The following RALYL variants were observed in gnomAD, a reference collection of about 807,000 sequenced individuals.
RALYL encodes the protein RALY RNA binding protein like.
RALYL carries 29 observed loss-of-function variants against 35.1 expected under a neutral mutation model. The ratio of observed to expected loss-of-function variants is 0.83; its 90% CI spans 0.61 to 1.13. RALYL has a LOEUF of 1.13. Ranked by LOEUF, RALYL falls within the 50% of genes most tolerant of loss-of-function variation. The pLI, the probability that RALYL is intolerant of heterozygous loss-of-function variation, is 0.00. For synonymous variants in RALYL, 120 were observed against 127.6 expected (o/e 0.94, Z 0.40); for missense variants, 359 against 360.4 (o/e 1.00, Z 0.03).
intron 2 of RALYL, among the ~76,000 whole-genome samples, chr8:84,613,707 A>G (rs1253437422): frequency 6.6e-6 from 1 of 151,452 alleles, no homozygotes; most frequent in East Asian, 1.9e-4. Context: ...AGGGAAAAAA[A>G]GCCTTTTGAA....
intron 2 of RALYL, among the ~76,000 whole-genome samples, chr8:84,560,663 G>A (rs141987506): frequency 7.2e-5 from 11 of 151,990 alleles, no homozygotes; most frequent in South Asian, 2.1e-4. Flanking sequence ...ATACAGATTA[G>A]GGTAAATTAT....
chr8:84,890,900 A>G (rs1843730150), intron 8 of RALYL, among the ~76,000 whole-genome samples: 1 of 152,188 alleles, frequency 6.6e-6, no homozygotes, highest in Admixed American at 6.6e-5. Context: ...ACCAACAGGG[A>G]AGGAAAGGAA....
chr8:84,533,119 A>T (rs1019718834), intron 2 of RALYL, among the ~76,000 whole-genome samples: 1 of 152,136 alleles, frequency 6.6e-6, no homozygotes, highest in African/African-American at 2.4e-5. Context: ...TCCTCATAAA[A>T]CTTTACGTCT....
At chr8:84,601,677 A>C (rs1405464387) in intron 2 of RALYL, among the ~76,000 whole-genome samples, 9 of 151,990 alleles carry the variant, frequency 5.9e-5, no homozygotes. Context: ...AGTTGTGAAC[A>C]TAGCATAGCC....
At chr8:84,714,697 T>C (rs1842697699) in intron 2 of RALYL, among the ~76,000 whole-genome samples, 1 of 151,896 alleles carries the variant, frequency 6.6e-6, no homozygotes, top group African/African-American at 2.4e-5. Context: ...CATAATTATG[T>C]GTTTTGGGAA....
At chr8:84,887,467 G>T (rs1156929225) in intron 7 of RALYL, 137 bp from the exon 8 acceptor site, 3 of 595,064 alleles carry the variant, frequency 5.0e-6, no homozygotes, top group Non-Finnish European at 8.1e-6. Context: ...TCAACTTAAA[G>T]CATAATATTA....
intron 1 of RALYL, among the ~76,000 whole-genome samples, chr8:84,478,724 T>G (rs1564004411): frequency 6.6e-6 from 1 of 151,992 alleles, no homozygotes; most frequent in Non-Finnish European, 1.5e-5. Context: ...GCTCGTGTTC[T>G]CTCTTCCTTG....
intron 1 of RALYL, among the ~76,000 whole-genome samples, chr8:84,366,951 A>G (rs916997065): frequency 7.2e-5 from 11 of 151,842 alleles, no homozygotes; most frequent in African/African-American, 2.7e-4. Flanking sequence ...AATAGCCTCT[A>G]TATGACCTAA....
chr8:84,788,797 G>A (rs1037621837), intron 3 of RALYL, among the ~76,000 whole-genome samples: 13 of 152,134 alleles, frequency 8.5e-5, no homozygotes, highest in Admixed American at 7.9e-4. Flanking sequence ...AGGGCAAGGA[G>A]CAGGATATGG....
At chr8:84,389,399 T>C (rs978664852) in intron 1 of RALYL, among the ~76,000 whole-genome samples, 2 of 152,056 alleles carry the variant, frequency 1.3e-5, no homozygotes, top group Non-Finnish European at 2.9e-5. Flanking sequence ...GGTAGCTTGA[T>C]GGATATGGCA....
chr8:84,577,921 T>A (rs1465292202), intron 2 of RALYL, among the ~76,000 whole-genome samples: 1 of 152,244 alleles, frequency 6.6e-6, no homozygotes, highest in Non-Finnish European at 1.5e-5. Context: ...AAGTATCTAA[T>A]GTGACACTGG....
chr8:84,365,838 A>G (rs57948903), intron 1 of RALYL, among the ~76,000 whole-genome samples: 7,223 of 152,260 alleles, frequency 0.047, 238 homozygotes, highest in African/African-American at 0.082. Flanking sequence ...AGAATTAGAA[A>G]TGGTTAAGAA....
At chr8:84,520,964 A>G (rs2058414014) in intron 1 of RALYL, among the ~76,000 whole-genome samples, 1 of 152,172 alleles carries the variant, frequency 6.6e-6, no homozygotes, top group Non-Finnish European at 1.5e-5. Flanking sequence ...TATGGCTCAG[A>G]GGGAGCTTAT....
rs11277780 is a variant in RALYL at position 84,223,166 on chromosome 8, C to CTCCCTTCCCT, written c.-24+38771_-24+38780dup. ...TCCTTTCCTTTCCTTTCTTTCCTTC[C>CTCCCTTCCCT]TCCCTTCCCTTCCCTTCCCTTCCCT... On this transcript the variant is annotated intron_variant, in intron 1 of 8. Transcript: ENST00000521268. Among the ~76,000 whole-genome samples the CTCCCTTCCCT allele has an allele frequency of 2.0e-4, 17 of 83,854 alleles. 1 individual carries two copies. The highest frequency in any genetic ancestry group is 8.6e-4 in the East Asian group (2 of 2,322). The allele number at this position is 83,854 out of a possible 152,430, so 55.0% of individuals were successfully genotyped here. A position where few individuals can be genotyped will look rare whatever the true frequency, so the allele number is the denominator to read the frequency against.
intron 1 of RALYL, among the ~76,000 whole-genome samples, chr8:84,334,349 T>C: frequency 6.6e-6 from 1 of 152,162 alleles, no homozygotes; most frequent in Non-Finnish European, 1.5e-5. Context: ...AACAATTTTA[T>C]CAATTATGTA....
intron 2 of RALYL, among the ~76,000 whole-genome samples, chr8:84,578,935 C>G (rs1328301770): frequency 1.3e-5 from 2 of 152,206 alleles, no homozygotes; most frequent in Non-Finnish European, 2.9e-5. Flanking sequence ...GGGCCACAGA[C>G]TCCACGTAGA....
chr8:84,623,767 T>C (rs1340764223), intron 2 of RALYL, among the ~76,000 whole-genome samples: 2 of 152,030 alleles, frequency 1.3e-5, no homozygotes, highest in Non-Finnish European at 2.9e-5. Flanking sequence ...ATCACAAATA[T>C]GCTGTGGGAA....
At chr8:84,373,575 A>G (rs1309322454) in intron 1 of RALYL, among the ~76,000 whole-genome samples, 1 of 151,918 alleles carries the variant, frequency 6.6e-6, no homozygotes, top group East Asian at 1.9e-4. Flanking sequence ...CCATTGGTCA[A>G]TGTGTCTGTT....
intron 2 of RALYL, among the ~76,000 whole-genome samples, chr8:84,752,118 C>T (rs1810195964): frequency 6.6e-6 from 1 of 152,140 alleles, no homozygotes; most frequent in African/African-American, 2.4e-5. Flanking sequence ...GAAGTCCAGG[C>T]TAAGGAGGTC....
Sources: allele counts gnomAD v4.1 joint callset (sites outside exome capture counted in the v4.1 genomes callset), GRCh38; gene constraint gnomAD v4.1.1; transcripts MANE v1.5; gene names NCBI Gene and HGNC (gene_info 2026-07-23, HGNC 2026-07-21).